The following ACVR2A variants were observed in gnomAD, a reference collection of about 807,000 sequenced individuals.
ACVR2A encodes activin receptor type-2A.
Under a neutral mutation model 61.4 loss-of-function variants are expected in ACVR2A, and 7 were observed. The observed-to-expected ratio is 0.11, with a 90% CI of 0.06 to 0.21. The LOEUF (loss-of-function observed/expected upper bound fraction) is 0.21, where lower values mean the gene tolerates loss of function less well. ACVR2A is among the 10% of genes least tolerant of loss of function. ACVR2A has a pLI of 1.00. For synonymous variants in ACVR2A, 193 were observed against 208.3 expected, an observed-to-expected ratio of 0.93 and a Z score of 0.63; for missense variants, 322 against 621.7, an observed-to-expected ratio of 0.52 and a Z score of 5.13.
In ACVR2A at chr2:147,876,572, C is replaced by T. The variant is rs190898749; in HGVS notation, c.56-19729C>T. ...GTGTGGCACCTAGGGACATAATTCT[C>T]ATCAGCCTATCACTGTCATTCACTT... On this transcript the variant is annotated intron_variant, in intron 1 of 10. Coordinates refer to ENST00000241416, the MANE Select transcript of ACVR2A (RefSeq NM_001616.5). Among the ~76,000 whole-genome samples, 14 of 152,250 alleles carry T rather than the reference C, an allele frequency of 9.2e-5. No homozygotes were observed. The East Asian group carries it at 2.1e-3, about 23-fold the overall frequency.
intron 1 of ACVR2A, among the ~76,000 whole-genome samples, chr2:147,888,964 A>G (rs1049116849): frequency 2.0e-5 from 3 of 151,466 alleles, no homozygotes; most frequent in Non-Finnish European, 4.4e-5. Flanking sequence ...TTTTTATGAC[A>G]TTGAGTAAGT....
At chr2:147,902,088 T>C (rs1373932719) in intron 4 of ACVR2A, among the ~76,000 whole-genome samples, 3 of 152,008 alleles carry the variant, frequency 2.0e-5, no homozygotes, top group Non-Finnish European at 4.4e-5. Flanking sequence ...AAAATATTTT[T>C]TTTCAATGAT....
intron 1 of ACVR2A, among the ~76,000 whole-genome samples, chr2:147,877,828 T>C (rs1257227681): frequency 2.6e-5 from 4 of 152,202 alleles, no homozygotes; most frequent in Non-Finnish European, 5.9e-5. Context: ...GCTTTCTGTT[T>C]CTGTAGGGGG....
intron 1 of ACVR2A, among the ~76,000 whole-genome samples, chr2:147,869,337 G>A (rs954182411): frequency 2.0e-5 from 3 of 150,786 alleles, no homozygotes; most frequent in Non-Finnish European, 4.4e-5. Flanking sequence ...CATTCATAAG[G>A]GAGACTGACT....
intron 4 of ACVR2A, among the ~76,000 whole-genome samples, chr2:147,905,607 G>A (rs925225621): frequency 6.6e-6 from 1 of 151,708 alleles, no homozygotes; most frequent in African/African-American, 2.4e-5. Context: ...ATAGTATAGG[G>A]CTACTATAGA....
intron 9 of ACVR2A, among the ~76,000 whole-genome samples, chr2:147,924,878 C>CA (rs1389438765): frequency 6.6e-6 from 1 of 151,766 alleles, no homozygotes; most frequent in Non-Finnish European, 1.5e-5. Flanking sequence ...GCCTGTACAC[C>CA]ACATAAGTGT....
At chr2:147,882,125 G>A (rs1686317473) in intron 1 of ACVR2A, among the ~76,000 whole-genome samples, 1 of 152,114 alleles carries the variant, frequency 6.6e-6, no homozygotes, top group Admixed American at 6.6e-5. Context: ...TTCAAATTTT[G>A]GTCTGTATCC....
rs974934392 is a variant in ACVR2A at position 147,927,736 on chromosome 2, A to G, written c.*462A>G. ...TTTGCTGTTGTTTCTATAAATGACT[A>G]TTGTAATGCCAATATGACACAGCTT... On this transcript the variant is annotated 3_prime_UTR_variant, in exon 11 of 11. Coordinates refer to ENST00000241416, the MANE Select transcript of ACVR2A (RefSeq NM_001616.5). 3.2e-5 allele frequency: 5 copies of G among 154,118 alleles called. No homozygotes were observed. The highest frequency in any genetic ancestry group is 1.9e-4 in the East Asian group (1 of 5,190). The allele number at this position is 154,118 out of a possible 1,614,324, so 9.5% of individuals were successfully genotyped here.
chr2:147,916,864 AAAG>A (rs200549880), intron 5 of ACVR2A, among the ~76,000 whole-genome samples: 525 of 152,058 alleles, frequency 3.5e-3, no homozygotes, highest in East Asian at 8.1e-3. Flanking sequence ...TAGTTTTTGA[AAAG>A]AAGAAGTTTT....
intron 1 of ACVR2A, among the ~76,000 whole-genome samples, chr2:147,876,670 C>T (rs1686164624): frequency 6.6e-6 from 1 of 152,010 alleles, no homozygotes; most frequent in African/African-American, 2.4e-5. Flanking sequence ...CAGTTGTTTC[C>T]TCTTCTTAAT....
chr2:147,874,717 G>A (rs542548635), intron 1 of ACVR2A, among the ~76,000 whole-genome samples: 1 of 151,934 alleles, frequency 6.6e-6, no homozygotes, highest in Non-Finnish European at 1.5e-5. Flanking sequence ...GATCTGGTTT[G>A]GTTCAAGATG....
In ACVR2A at chr2:147,915,137, G is replaced by T. The variant is rs1261657126; in HGVS notation, c.529-54G>T. ...ACTCACTTTTTTTCTCATTTTCAGA[G>T]TTGGTGTGTGTCATGTTCTGCTTAT... is the stretch of plus-strand genomic sequence containing the variant. On this transcript the variant is annotated intron_variant, in intron 4 of 10. Transcript: ENST00000241416. 3.2e-6 allele frequency: 5 copies of T among 1,558,630 alleles called. No homozygotes were observed. In the East Asian group the frequency reaches 1.1e-4, roughly 35 times the overall value.
rs1019341604 is a variant in ACVR2A, at chr2:147,929,548, T to C, written c.*2274T>C. 1.3e-5 allele frequency: 2 copies of C among 152,462 alleles called. No individual in the cohort carries two copies. The highest frequency in any genetic ancestry group is 4.8e-5 in the African/African-American group (2 of 41,420). 9.4% of individuals were successfully genotyped at this position (152,462 alleles called of 1,614,324 possible). On this transcript the variant is annotated 3_prime_UTR_variant, in exon 11 of 11. Coordinates refer to ENST00000241416, the MANE Select transcript of ACVR2A (RefSeq NM_001616.5). ...TGTAGCTAACCAATTTTAAAACTTGTATTCTTTTGAGAACTATTATTAATA... is the reference window on the plus strand; with the variant it reads ...TGTAGCTAACCAATTTTAAAACTTGCATTCTTTTGAGAACTATTATTAATA...
At chr2:147,916,119 T>G (rs1057282089) in intron 5 of ACVR2A, among the ~76,000 whole-genome samples, 3 of 151,940 alleles carry the variant, frequency 2.0e-5, no homozygotes, top group South Asian at 2.1e-4. Context: ...ATACCTAGAT[T>G]TTAACCTTTT....
At chr2:147,893,893 C>G (rs1198568035) in intron 1 of ACVR2A, among the ~76,000 whole-genome samples, 4 of 152,034 alleles carry the variant, frequency 2.6e-5, no homozygotes, top group Non-Finnish European at 4.4e-5. Flanking sequence ...TTTATCGGTT[C>G]TGTCTTTTTT....
intron 2 of ACVR2A, among the ~76,000 whole-genome samples, chr2:147,899,028 C>T (rs940518367): frequency 1.3e-5 from 2 of 152,044 alleles, no homozygotes; most frequent in African/African-American, 4.8e-5. Context: ...CATACACACA[C>T]ATACACAGTT....
chr2:147,847,524 G>A (rs922623522), intron 1 of ACVR2A, among the ~76,000 whole-genome samples: 1 of 152,076 alleles, frequency 6.6e-6, no homozygotes, highest in Admixed American at 6.5e-5. Context: ...AAATCAAAAT[G>A]GGAAACAATA....
intron 1 of ACVR2A, among the ~76,000 whole-genome samples, chr2:147,890,080 A>G (rs2105182022): frequency 6.6e-6 from 1 of 152,236 alleles, no homozygotes; most frequent in African/African-American, 2.4e-5. Context: ...TGTGAAACAG[A>G]TTCCAGATTC....
intron 9 of ACVR2A, 136 bp from the exon 10 acceptor site, chr2:147,925,895 T>G: frequency 1.2e-6 from 1 of 821,856 alleles, no homozygotes; most frequent in Non-Finnish European, 1.9e-6. Context: ...CAGTTGAGAG[T>G]CTGTTTCTCT....
Sources: allele counts gnomAD v4.1 joint callset (sites outside exome capture counted in the v4.1 genomes callset), GRCh38; gene constraint gnomAD v4.1.1; transcripts MANE v1.5; gene names NCBI Gene and HGNC (gene_info 2026-07-23, HGNC 2026-07-21).